The following NAA35 variants were observed in gnomAD, a reference collection of about 807,000 sequenced individuals.
The protein encoded by NAA35 is N-alpha-acetyltransferase 35, NatC auxiliary subunit, also known as MAK10 homolog, amino-acid N-acetyltransferase subunit.
Under a neutral mutation model 101.7 loss-of-function variants are expected in NAA35, and 18 were observed. The observed-to-expected ratio is 0.18, with a 90% confidence interval of 0.12 to 0.26. The LOEUF is 0.26. Among genes scored for constraint, NAA35 ranks in the 10% least tolerant of loss-of-function variants. The pLI is 1.00. For synonymous variants in NAA35, 267 were observed against 273.1 expected (o/e 0.98, Z 0.22); for missense variants, 601 against 886.8 (o/e 0.68, Z 4.09).
rs1466167145 is a variant in NAA35 at position 85,976,778 on chromosome 9, A to G, written c.678+43A>G. ...CTGGTAGATAATATCAGAGAAGTCTACCTGTTAATGTTGTAGTTTTATGAA... is the reference window on the plus strand; with the variant it reads ...CTGGTAGATAATATCAGAGAAGTCTGCCTGTTAATGTTGTAGTTTTATGAA... On this transcript the variant is annotated intron_variant, in intron 9 of 22. Coordinates refer to ENST00000361671, the MANE Select transcript of NAA35 (RefSeq NM_024635.4). The G allele has an allele frequency of 2.8e-6, 4 of 1,424,748 alleles. No individual in the cohort carries two copies. In the Admixed American group the frequency reaches 6.1e-5, roughly 22 times the overall value. 88.3% of individuals were successfully genotyped at this position (1,424,748 alleles called of 1,614,324 possible). A position where few individuals can be genotyped will look rare whatever the true frequency, so the allele number is the denominator to read the frequency against.
chr9:85,986,481 C>T lies in NAA35; in HGVS notation c.877+8100C>T, dbSNP rs772945850. ...GACTTCCTCCTTTTCAGGTCTCTGA[C>T]ATCTTCTAGAGATGGAGGTGGAAGT... On this transcript the variant is annotated intron_variant, in intron 11 of 22. Transcript: ENST00000361671. 28 of 469,460 alleles carry T rather than the reference C, an allele frequency of 6.0e-5. 1 individual carries two copies. The highest frequency in any genetic ancestry group is 3.9e-4 in the South Asian group (25 of 64,524). The allele number at this position is 469,460 out of a possible 1,614,324, so 29.1% of individuals were successfully genotyped here.
rs138340445 is a variant in NAA35 at position 86,000,171 on chromosome 9, T to A, written c.1057-3414T>A. Among the ~76,000 whole-genome samples, 1,385 of 152,276 alleles carry A rather than the reference T, an allele frequency of 9.1e-3. 9 individuals are homozygous for A. The highest frequency in any genetic ancestry group is 0.017 in the Middle Eastern group (5 of 294). ...GAGATAATCATGTGATTTTTGTCTT[T>A]AGTTCTGTTTATGTGATGAATCACA... On this transcript the variant is annotated intron_variant, in intron 12 of 22. Coordinates refer to ENST00000361671, the MANE Select transcript of NAA35 (RefSeq NM_024635.4).
chr9:85,962,127 A>G lies in NAA35; in HGVS notation c.463A>G (p.Lys155Glu). Residue 155 changes from lysine (K) to glutamate (E), a missense_variant, in exon 6 of 23, where the codon AAA (lysine) becomes GAA (glutamate). Physicochemically the swap from Lys to Glu is moderately conservative, Grantham distance 56. Around this residue, in one of 8 missense-constraint regions of NAA35, gnomAD observed 86 missense variants for 169.4 expected, o/e 0.51. Transcript: ENST00000361671. Reference protein sequence around the residue: ...AMKAFALGILKICDIAREKVN... With the variant: ...AMKAFALGILEICDIAREKVN... ...GAAGGCTTTTGCTCTGGGAATCTTGAAAATCTGTGACATTGCAAGGGAAAA... is the reference window on the plus strand; with the variant it reads ...GAAGGCTTTTGCTCTGGGAATCTTGGAAATCTGTGACATTGCAAGGGAAAA... 1 of 1,614,190 alleles carries G rather than the reference A, an allele frequency of 6.2e-7. No individual in the cohort carries two copies. The highest frequency in any genetic ancestry group is 8.5e-7 in the Non-Finnish European group (1 of 1,180,032).
intron 11 of NAA35, among the ~76,000 whole-genome samples, chr9:85,989,376 C>T (rs186497728): frequency 9.2e-5 from 14 of 152,154 alleles, no homozygotes; most frequent in Admixed American, 2.0e-4. Flanking sequence ...GAGGTTGAGG[C>T]AGGAGAATCG....
At chr9:86,007,253 AT>A in intron 13 of NAA35, 104 bp from the exon 14 acceptor site, 1 of 725,960 alleles carries the variant, frequency 1.4e-6, no homozygotes. Context: ...AACTTTTTAT[AT>A]TTTAATCACT....
At chr9:85,967,319 TA>T (rs969722726) in intron 6 of NAA35, among the ~76,000 whole-genome samples, 2 of 151,946 alleles carry the variant, frequency 1.3e-5, no homozygotes, top group East Asian at 3.9e-4. Flanking sequence ...GTCAAAAGGT[TA>T]AAAAAAGCAG....
chr9:85,977,744 T>G (rs1254364787), intron 10 of NAA35, among the ~76,000 whole-genome samples: 1 of 152,196 alleles, frequency 6.6e-6, no homozygotes, highest in East Asian at 1.9e-4. Flanking sequence ...TAGTCTTACC[T>G]TCAGTTACAT....
intron 2 of NAA35, among the ~76,000 whole-genome samples, chr9:85,948,109 T>C (rs1828846419): frequency 6.6e-6 from 1 of 152,236 alleles, no homozygotes; most frequent in Non-Finnish European, 1.5e-5. Flanking sequence ...GCTTTTATAC[T>C]ACTTTTTGAT....
intron 4 of NAA35, among the ~76,000 whole-genome samples, chr9:85,959,220 C>T (rs1182367713): frequency 1.3e-5 from 2 of 151,686 alleles, no homozygotes; most frequent in Non-Finnish European, 2.9e-5. Context: ...ACTAAAAATA[C>T]AAAAAATTAG....
chr9:85,949,196 C>G (rs1217402754), intron 2 of NAA35, among the ~76,000 whole-genome samples: 2 of 152,138 alleles, frequency 1.3e-5, no homozygotes, highest in Non-Finnish European at 2.9e-5. Flanking sequence ...TTTTCCTATA[C>G]TCTCCTTATG....
intron 2 of NAA35, among the ~76,000 whole-genome samples, chr9:85,943,629 A>G (rs60386386): frequency 0.044 from 6,745 of 152,292 alleles, 481 homozygotes; most frequent in African/African-American, 0.15. Context: ...ATGTATGTCT[A>G]TCTAAGGAAG....
intron 2 of NAA35, among the ~76,000 whole-genome samples, chr9:85,948,090 G>A (rs148728566): frequency 1.3e-5 from 2 of 152,220 alleles, no homozygotes; most frequent in Admixed American, 1.3e-4. Flanking sequence ...TGCTGGTTTT[G>A]GGCAGCTTGC....
chr9:85,960,771 A>G (rs757051774), intron 5 of NAA35, among the ~76,000 whole-genome samples: 3 of 152,222 alleles, frequency 2.0e-5, no homozygotes, highest in Non-Finnish European at 4.4e-5. Flanking sequence ...AAATGCTTTT[A>G]TGACGGTGCC....
intron 11 of NAA35, among the ~76,000 whole-genome samples, chr9:85,993,652 G>A (rs1831027104): frequency 6.6e-6 from 1 of 152,110 alleles, no homozygotes; most frequent in African/African-American, 2.4e-5. Flanking sequence ...TGTTTGTATT[G>A]TATGTGAATT....
chr9:85,970,584 C>G (rs1457994077), intron 6 of NAA35, among the ~76,000 whole-genome samples: 1 of 152,060 alleles, frequency 6.6e-6, no homozygotes, highest in Admixed American at 6.6e-5. Context: ...TGTGGCATTC[C>G]TATCAAATAT....
intron 14 of NAA35, 35 bp downstream of exon 14, chr9:86,007,499 T>C (rs186291541): frequency 3.0e-4 from 462 of 1,536,578 alleles, no homozygotes; most frequent in Admixed American, 6.0e-4. Context: ...GTTGTATGTA[T>C]GTGCTCCTTT....
At chr9:85,957,864 T>C (rs940899049) in intron 3 of NAA35, among the ~76,000 whole-genome samples, 2 of 152,154 alleles carry the variant, frequency 1.3e-5, no homozygotes, top group Non-Finnish European at 2.9e-5. Context: ...GGAGGGCTTA[T>C]TAAAGCGTAG....
chr9:86,006,172 A>G (rs1831634763), intron 13 of NAA35, among the ~76,000 whole-genome samples: 1 of 151,934 alleles, frequency 6.6e-6, no homozygotes, highest in African/African-American at 2.4e-5. Context: ...CCCATCTCAA[A>G]AAAAAAAAAA....
At chr9:85,944,336 A>G (rs368495825) in intron 2 of NAA35, among the ~76,000 whole-genome samples, 4 of 152,338 alleles carry the variant, frequency 2.6e-5, no homozygotes, top group Admixed American at 1.3e-4. Context: ...TACTCAAGGT[A>G]TTTAATTTAG....
Sources: gnomAD v4.1 joint callset for allele counts (sites outside exome capture counted in the v4.1 genomes callset) on GRCh38, gnomAD v4.1.1 for gene constraint, gnomAD v4.1.1 regional missense constraint, MANE v1.5 for transcripts, NCBI Gene and HGNC (gene_info 2026-07-23, HGNC 2026-07-21) for gene names.